The following MMRN1 variants were observed in gnomAD, a reference collection of about 807,000 sequenced individuals.
MMRN1 encodes multimerin-1.
Under a neutral mutation model 100.7 loss-of-function variants are expected in MMRN1, and 94 were observed. The observed-to-expected ratio is 0.93, with a 90% confidence interval of 0.79 to 1.11. MMRN1 has a LOEUF of 1.11. MMRN1 is among the 50% of genes least tolerant of loss of function. The probability of loss-of-function intolerance (pLI) is 0.00; values close to 1 mark genes in which losing one functional copy is unlikely to be tolerated. For synonymous variants in MMRN1, 575 were observed against 505.0 expected, an observed-to-expected ratio of 1.14 and a Z score of -1.86; for missense variants, 1,606 against 1,439.1, an observed-to-expected ratio of 1.12 and a Z score of -1.88.
At chr4:89,907,484 T>C (rs547363821) in intron 1 of MMRN1, among the ~76,000 whole-genome samples, 89 of 151,666 alleles carry the variant, frequency 5.9e-4, no homozygotes, top group Non-Finnish European at 9.6e-4. Flanking sequence ...GTTTATCCTC[T>C]TGGAATTCAT....
At position 89,953,195 on chromosome 4, in the gene MMRN1, G is replaced by C; in HGVS notation, c.3464G>C (p.Ser1155Thr). The C allele has an allele frequency of 1.2e-6, 2 of 1,613,800 alleles. No individual in the cohort carries two copies. Among genetic ancestry groups the C allele is most frequent in the Non-Finnish European group, 1.7e-6 (2 of 1,179,856 alleles). Residue 1155 changes from serine (S) to threonine (T), a missense_variant, in exon 8 of 8, where the codon AGT (serine) becomes ACT (threonine). Ser to Thr is a moderately conservative substitution (Grantham distance 58). Transcript: ENST00000264790. ...YVFKYTIESFSAHISGFLVVD... is the reference protein window; with the variant it reads ...YVFKYTIESFTAHISGFLVVD... ...TTCAAGTACACCATCGAGTCATTTAGTGCTCATATTTCTGGATTTTTAGTG... is the reference window on the plus strand; with the variant it reads ...TTCAAGTACACCATCGAGTCATTTACTGCTCATATTTCTGGATTTTTAGTG...
At chr4:89,925,285 C>CCCA (rs1722212268) in intron 4 of MMRN1, among the ~76,000 whole-genome samples, 1 of 145,572 alleles carries the variant, frequency 6.9e-6, no homozygotes, top group Non-Finnish European at 1.5e-5. Context: ...ACAGGCACGT[C>CCCA]CCACCATGCC....
intron 3 of MMRN1, among the ~76,000 whole-genome samples, chr4:89,921,594 T>C (rs1198213136): frequency 1.3e-5 from 2 of 152,142 alleles, no homozygotes; most frequent in Non-Finnish European, 2.9e-5. Flanking sequence ...CCCCACGCAA[T>C]CCATCCCCTA....
At position 89,895,124 on chromosome 4, in the gene MMRN1, T is replaced by G; in HGVS notation, c.153T>G (p.Ser51Arg). The G allele has an allele frequency of 2.5e-6, 4 of 1,613,738 alleles. No homozygotes were observed. The highest frequency in any genetic ancestry group is 3.4e-6 in the Non-Finnish European group (4 of 1,179,878). The change falls in exon 1 of 8, where the codon AGT (serine) becomes AGG (arginine). Residue 51 changes from serine (S) to arginine (R), a missense_variant. Coordinates refer to ENST00000264790, the MANE Select transcript of MMRN1 (RefSeq NM_007351.3). ...SASVPPNKIQ[S>R]LQILPTTRVM... ...CAGTTCCTCCAAATAAAATACAAAGTTTGCAAATACTGCCAACCACTCGGG... is the reference window on the plus strand; with the variant it reads ...CAGTTCCTCCAAATAAAATACAAAGGTTGCAAATACTGCCAACCACTCGGG...
rs1723233570 is a variant in MMRN1 at position 89,953,099 on chromosome 4, A to G, written c.3368A>G (p.Asp1123Gly). The change falls in exon 8 of 8, where the codon GAT (aspartate) becomes GGT (glycine). Residue 1123 changes from aspartate to glycine, a missense_variant. Coordinates refer to ENST00000264790, the MANE Select transcript of MMRN1 (RefSeq NM_007351.3). ...GGTCCTATCCTGTTTAATAACTTGG[A>G]TGTCAATTATGGAGCTTCATATACC... Reference protein sequence around the residue: ...IPGPILFNNLDVNYGASYTPR... With the variant: ...IPGPILFNNLGVNYGASYTPR... The G allele has an allele frequency of 1.9e-6, 3 of 1,613,732 alleles. No individual in the cohort carries two copies. The highest frequency in any genetic ancestry group is 2.7e-5 in the African/African-American group (2 of 74,894).
At chr4:89,901,569 C>T (rs1203649689) in intron 1 of MMRN1, among the ~76,000 whole-genome samples, 5 of 151,870 alleles carry the variant, frequency 3.3e-5, no homozygotes, top group African/African-American at 1.2e-4. Context: ...ATTATTAGGC[C>T]TAATAACATC....
intron 6 of MMRN1, among the ~76,000 whole-genome samples, chr4:89,948,809 C>T (rs1422859029): frequency 2.0e-5 from 3 of 152,176 alleles, no homozygotes; most frequent in Middle Eastern, 3.4e-3. Flanking sequence ...CAGAAGCAGT[C>T]GAAGCAGGTA....
intron 5 of MMRN1, among the ~76,000 whole-genome samples, chr4:89,933,478 C>T (rs1402034996): frequency 1.3e-5 from 2 of 152,112 alleles, no homozygotes; most frequent in African/African-American, 4.8e-5. Context: ...CTATATTAGT[C>T]CATTTTTATG....
intron 1 of MMRN1, 41 bp from the exon 2 acceptor site, chr4:89,909,235 T>A: frequency 2.6e-6 from 4 of 1,552,972 alleles, no homozygotes; most frequent in Non-Finnish European, 2.6e-6. Context: ...GAATTCTTTT[T>A]TGACAACAGT....
chr4:89,944,694 G>C (rs1321491952), intron 6 of MMRN1, among the ~76,000 whole-genome samples: 1 of 152,110 alleles, frequency 6.6e-6, no homozygotes, highest in African/African-American at 2.4e-5. Context: ...AATGGGGATG[G>C]AATGGAAATC....
chr4:89,886,869 C>T (rs961154741), intron 1 of MMRN1, among the ~76,000 whole-genome samples: 2 of 152,050 alleles, frequency 1.3e-5, no homozygotes, highest in African/African-American at 2.4e-5. Context: ...CACTTCATAT[C>T]CACTTCTCTA....
At chr4:89,903,393 G>T (rs1487551488) in intron 1 of MMRN1, among the ~76,000 whole-genome samples, 2 of 149,654 alleles carry the variant, frequency 1.3e-5, no homozygotes, top group African/African-American at 2.5e-5. Flanking sequence ...CATCTGAATT[G>T]AACATAAATG....
At chr4:89,921,572 A>T (rs1722090177) in intron 3 of MMRN1, among the ~76,000 whole-genome samples, 1 of 152,118 alleles carries the variant, frequency 6.6e-6, no homozygotes, top group Non-Finnish European at 1.5e-5. Context: ...TTAGAAGAAG[A>T]TTTACACTTT....
rs528796803 is a variant in MMRN1, at chr4:89,935,713, T to G, written c.2033T>G (p.Ile678Arg). The G allele has an allele frequency of 3.1e-6, 5 of 1,611,964 alleles. 1 individual carries two copies. In the East Asian group the frequency reaches 6.7e-5, roughly 22 times the overall value. ...GAAGCAATAGTGATAAGGAAAAAGA[T>G]AGAAAATCTGACTAGTGCTGTCAAT... ...PKEAIVIRKK[I>R]ENLTSAVNSL... Residue 678 changes from isoleucine (I) to arginine (R), a missense_variant, in exon 6 of 8, where the codon ATA becomes AGA. Transcript: ENST00000264790.
At chr4:89,896,352 A>G (rs1022041214) in intron 1 of MMRN1, among the ~76,000 whole-genome samples, 5 of 152,190 alleles carry the variant, frequency 3.3e-5, no homozygotes, top group African/African-American at 1.2e-4. Context: ...ATTAATTTTA[A>G]TTTAAAGTTA....
intron 5 of MMRN1, among the ~76,000 whole-genome samples, chr4:89,932,663 C>T (rs1329434927): frequency 6.6e-6 from 1 of 152,188 alleles, no homozygotes; most frequent in African/African-American, 2.4e-5. Context: ...TTGGGGCTTG[C>T]ACCCTCTGAA....
intron 2 of MMRN1, 34 bp from the exon 3 acceptor site, chr4:89,911,910 T>A: frequency 7.2e-7 from 1 of 1,389,714 alleles, no homozygotes; most frequent in Non-Finnish European, 1.0e-6. Flanking sequence ...GTGAAACAAA[T>A]AATCGATTTC....
intron 1 of MMRN1, chr4:89,901,897 A>G (rs912623238): frequency 6.6e-6 from 1 of 151,972 alleles, no homozygotes; most frequent in Non-Finnish European, 1.5e-5. Context: ...ATATAAAACT[A>G]TAATTTTAAA....
chr4:89,935,625 C>T lies in MMRN1; in HGVS notation c.1945C>T (p.Leu649Phe). The change falls in exon 6 of 8, where the codon CTT (leucine) becomes TTT (phenylalanine). Residue 649 changes from leucine (L) to phenylalanine (F), a missense_variant. Coordinates refer to ENST00000264790, the MANE Select transcript of MMRN1 (RefSeq NM_007351.3). ...LNDLTYDMEI[L>F]QPLLEQGASL... is the part of the protein sequence containing the mutation. ...TGATTTGACTTATGATATGGAGATC[C>T]TTCAACCCTTGCTTGAGCAGGGAGC... 1 of 1,613,468 alleles carries T rather than the reference C, an allele frequency of 6.2e-7. No individual in the cohort carries two copies. Among genetic ancestry groups the T allele is most frequent in the Non-Finnish European group, 8.5e-7 (1 of 1,179,710 alleles).
Sources: gnomAD v4.1 joint callset for allele counts (sites outside exome capture counted in the v4.1 genomes callset) on GRCh38, gnomAD v4.1.1 for gene constraint, MANE v1.5 for transcripts, NCBI Gene and HGNC (gene_info 2026-07-23, HGNC 2026-07-21) for gene names.